Variants in PCDHA11 observed in about 807,000 individuals in gnomAD.
PCDHA11 encodes the protein protocadherin alpha 11, also known as protocadherin alpha-11.
A neutral mutation model predicts 70.3 loss-of-function variants in PCDHA11; 61 were observed. The observed-to-expected ratio is 0.87, with a 90% CI of 0.71 to 1.07. The LOEUF (loss-of-function observed/expected upper bound fraction) is 1.07. Ranked by LOEUF, PCDHA11 falls within the 50% of genes least tolerant of loss-of-function variation. The pLI, the probability that PCDHA11 is intolerant of heterozygous loss-of-function variation, is 0.00. For synonymous variants in PCDHA11, 633 were observed against 555.1 expected (o/e 1.14, Z -1.97); for missense variants, 1,324 against 1,237.5 (o/e 1.07, Z -1.05).
intron 1 of PCDHA11, among the ~76,000 whole-genome samples, chr5:140,914,496 C>A (rs782459538): frequency 1.2e-4 from 19 of 152,136 alleles, no homozygotes; most frequent in Non-Finnish European, 4.4e-5. Context: ...TTGTGGGCAA[C>A]AGATCATTGG....
At position 140,929,227 on chromosome 5, in the gene PCDHA11, G is replaced by C. The variant is rs141300036; in HGVS notation, c.2392-49722G>C. ...GTTGCGTGGGGAGTACAATGCTGCC[G>C]ACCTGCGAAATCTTGCCACTGGGGT... On this transcript the variant is annotated intron_variant, in intron 1 of 3. Transcript: ENST00000398640. 7.4e-6 allele frequency: 12 copies of C among 1,613,892 alleles called. No homozygotes were observed. In the African/African-American group the frequency reaches 1.5e-4, roughly 20 times the overall value.
chr5:140,891,230 T>G (rs1192105465), intron 1 of PCDHA11, among the ~76,000 whole-genome samples: 1 of 152,232 alleles, frequency 6.6e-6, no homozygotes, highest in Non-Finnish European at 1.5e-5. Flanking sequence ...AATCATCCTG[T>G]TCTGGATTCA....
chr5:140,927,412 G>A, intron 1 of PCDHA11: 1 of 1,614,122 alleles, frequency 6.2e-7, no homozygotes, highest in African/African-American at 1.3e-5. Context: ...CCTGGACATG[G>A]GATCGCGGGT....
chr5:140,972,661 T>C, intron 1 of PCDHA11, among the ~76,000 whole-genome samples: 1 of 48,668 alleles, frequency 2.1e-5, no homozygotes, highest in South Asian at 6.9e-4. Flanking sequence ...AGAAACCAAA[T>C]TTTTTTTTTT....
intron 1 of PCDHA11, among the ~76,000 whole-genome samples, chr5:140,975,268 G>C (rs1054634006): frequency 6.6e-6 from 1 of 152,102 alleles, no homozygotes; most frequent in African/African-American, 2.4e-5. Flanking sequence ...TCTGATTTCT[G>C]TCTCTGACCT....
chr5:140,877,822 TTAAA>T, intron 1 of PCDHA11: 1 of 1,603,218 alleles, frequency 6.2e-7, no homozygotes, highest in East Asian at 2.2e-5. Flanking sequence ...AGAAGATTGT[TTAAA>T]TCCTCCCAGT....
At chr5:140,923,181 A>T (rs2081206798) in intron 1 of PCDHA11, among the ~76,000 whole-genome samples, 1 of 152,158 alleles carries the variant, frequency 6.6e-6, no homozygotes, top group Non-Finnish European at 1.5e-5. Flanking sequence ...GTTCAGATGC[A>T]TCTACTGCAG....
chr5:140,890,732 TTA>T (rs2062774217), intron 1 of PCDHA11, among the ~76,000 whole-genome samples: 1 of 152,238 alleles, frequency 6.6e-6, no homozygotes, highest in Admixed American at 6.5e-5. Context: ...CCCTTTTGAC[TTA>T]TATACTATTT....
intron 1 of PCDHA11, among the ~76,000 whole-genome samples, chr5:140,903,825 C>A (rs1367828043): frequency 2.0e-5 from 3 of 152,092 alleles, no homozygotes; most frequent in Admixed American, 2.0e-4. Flanking sequence ...ACATGAATGT[C>A]TGTTGGTATT....
chr5:141,001,102 A>T (rs1197761807), intron 3 of PCDHA11, among the ~76,000 whole-genome samples: 1 of 152,076 alleles, frequency 6.6e-6, no homozygotes, highest in African/African-American at 2.4e-5. Context: ...TCTAATCCAT[A>T]ATAAGCAATC....
At chr5:140,983,517 G>A (rs1475712929) in intron 3 of PCDHA11, among the ~76,000 whole-genome samples, 2 of 152,196 alleles carry the variant, frequency 1.3e-5, no homozygotes, top group African/African-American at 4.8e-5. Flanking sequence ...TAGACACTGT[G>A]CCAAGTACAT....
chr5:140,938,477 A>T (rs2092083791), intron 1 of PCDHA11, among the ~76,000 whole-genome samples: 1 of 152,178 alleles, frequency 6.6e-6, no homozygotes, highest in Non-Finnish European at 1.5e-5. Flanking sequence ...TATGTTTTTT[A>T]AAAATCATGA....
chr5:140,968,709 T>C lies in PCDHA11; in HGVS notation c.2392-10240T>C, dbSNP rs2153773320. ...GGAGAAATTAGGACTACCAGGAAGA[T>C]GGGAGATGAGAGTGGTAGCACTTTC... On this transcript the variant is annotated intron_variant, in intron 1 of 3. Coordinates refer to ENST00000398640, the MANE Select transcript of PCDHA11 (RefSeq NM_018902.5). The C allele has an allele frequency of 1.9e-6, 3 of 1,614,030 alleles. No homozygotes were observed. In the East Asian group the frequency reaches 6.7e-5, roughly 36 times the overall value.
rs551685820 is a variant in PCDHA11, at chr5:140,967,997, C to G, written c.2392-10952C>G. On this transcript the variant is annotated intron_variant, in intron 1 of 3. Transcript: ENST00000398640. ...GGGTCTGGAGGCCACACTGCCTTTC[C>G]GACTGAATGGCTTTGGAAACTCCTA... is the stretch of plus-strand genomic sequence containing the variant. The G allele has an allele frequency of 4.3e-6, 7 of 1,614,220 alleles. No individual in the cohort carries two copies. In the African/African-American group the frequency reaches 6.7e-5, roughly 15 times the overall value.
chr5:140,884,308 G>T, intron 1 of PCDHA11: 1 of 1,613,766 alleles, frequency 6.2e-7, no homozygotes. Flanking sequence ...AGGCTTCGTC[G>T]AGGGCGTCGG....
intron 1 of PCDHA11, among the ~76,000 whole-genome samples, chr5:140,934,224 AT>A: frequency 6.6e-6 from 1 of 152,246 alleles, no homozygotes. Context: ...TGTTTAAAAG[AT>A]TTGTACTTAA....
intron 1 of PCDHA11, chr5:140,881,430 T>G: frequency 1.1e-6 from 1 of 889,582 alleles, no homozygotes; most frequent in Non-Finnish European, 1.3e-6. Flanking sequence ...TCCAGGCATA[T>G]TTTATAAAAA....
At position 140,869,287 on chromosome 5, in the gene PCDHA11, C is replaced by G. The variant is rs782369184; in HGVS notation, c.184C>G (p.Arg62Gly). ...LGLELAELVQ[R>G]LFRVASKTHG... The stretch of plus-strand genomic sequence containing the variant: ...GCTGGAGCTGGCGGAGCTGGTGCAG[C>G]GCCTGTTCCGGGTGGCGTCCAAAAC... Residue 62 changes from arginine to glycine, a missense_variant, in exon 1 of 4, where the codon CGC becomes GGC. By Grantham distance (125) the Arg-to-Gly change is moderately radical. Transcript: ENST00000398640. 6.2e-7 allele frequency: 1 copy of G among 1,613,538 alleles called. No homozygotes were observed. Among genetic ancestry groups the G allele is most frequent in the South Asian group, 1.1e-5 (1 of 91,046 alleles).
At chr5:140,901,583 T>C (rs530803677) in intron 1 of PCDHA11, among the ~76,000 whole-genome samples, 14 of 152,340 alleles carry the variant, frequency 9.2e-5, no homozygotes, top group African/African-American at 3.4e-4. Context: ...GCCAGTGCCA[T>C]GATGTTTTGG....
Sources: allele counts gnomAD v4.1 joint callset (sites outside exome capture counted in the v4.1 genomes callset), GRCh38; gene constraint gnomAD v4.1.1; transcripts MANE v1.5; gene names NCBI Gene and HGNC (gene_info 2026-07-23, HGNC 2026-07-21).